The following PCDHGA6 variants were observed in gnomAD, a reference collection of about 807,000 sequenced individuals.
PCDHGA6 encodes the protein protocadherin gamma-A6.
In PCDHGA6, 41 loss-of-function variants were observed where a neutral mutation model predicts 60.6. That is an observed-to-expected ratio of 0.68 (90% confidence interval 0.53 to 0.88). The LOEUF (loss-of-function observed/expected upper bound fraction) is 0.88. Ranked by LOEUF, PCDHGA6 falls within the 40% of genes least tolerant of loss-of-function variation. PCDHGA6 has a pLI of 0.00. For missense variants in PCDHGA6, 1,312 were observed against 1,203.0 expected, an observed-to-expected ratio of 1.09 and a Z score of -1.34; for synonymous variants, 594 against 524.4, an observed-to-expected ratio of 1.13 and a Z score of -1.81.
At chr5:141,460,912 GTA>G (rs34683754) in intron 1 of PCDHGA6, among the ~76,000 whole-genome samples, 12 of 149,310 alleles carry the variant, frequency 8.0e-5, no homozygotes, top group African/African-American at 7.4e-5. Flanking sequence ...ATTCCATGGT[GTA>G]TATATATATA....
chr5:141,415,332 G>A (rs758125316), intron 1 of PCDHGA6: 1 of 1,614,214 alleles, frequency 6.2e-7, no homozygotes, highest in South Asian at 1.1e-5. Context: ...TGGCGCACAG[G>A]CTGCGGCGCT....
intron 3 of PCDHGA6, among the ~76,000 whole-genome samples, chr5:141,509,056 G>A (rs1303823294): frequency 1.3e-5 from 2 of 152,178 alleles, no homozygotes; most frequent in Admixed American, 6.5e-5. Context: ...CCCCCAGAAA[G>A]CTCTCAGCTC....
At chr5:141,433,395 C>CTATA (rs1426636882) in intron 1 of PCDHGA6, among the ~76,000 whole-genome samples, 2 of 150,654 alleles carry the variant, frequency 1.3e-5, no homozygotes, top group African/African-American at 4.9e-5. Context: ...ATCTATCTAT[C>CTATA]TATCTATCTA....
Position 141,373,895 on chromosome 5 carries a change from T to TA in PCDHGA6, c.-188dup. On this transcript the variant is annotated 5_prime_UTR_variant, in exon 1 of 4. Coordinates refer to ENST00000517434, the MANE Select transcript of PCDHGA6 (RefSeq NM_018919.3). ...CAAGAAAATCAACGGAAACTCAAGT[T>TA]ACATCCTCCAACAACAAAGCAAATT... The TA allele has an allele frequency of 1.9e-6, 1 of 534,638 alleles. No homozygotes were observed. The highest frequency in any genetic ancestry group is 3.1e-6 in the Non-Finnish European group (1 of 320,332). 33.1% of individuals were successfully genotyped at this position (534,638 alleles called of 1,614,324 possible).
intron 1 of PCDHGA6, among the ~76,000 whole-genome samples, chr5:141,435,946 A>C (rs953432473): frequency 6.6e-6 from 1 of 152,174 alleles, no homozygotes; most frequent in Non-Finnish European, 1.5e-5. Flanking sequence ...CTGAGACCAA[A>C]AAAGGGGGCA....
Position 141,375,758 on chromosome 5 carries a change from G to C in PCDHGA6, c.1675G>C (p.Ala559Pro), listed in dbSNP as rs1473514742. ...SLFVLDQNDN[A>P]PEILYPALPT... ...GTTTGTGCTGGACCAGAATGACAATGCGCCCGAGATCCTGTACCCCGCCCT... is the reference window on the plus strand; with the variant it reads ...GTTTGTGCTGGACCAGAATGACAATCCGCCCGAGATCCTGTACCCCGCCCT... The change falls in exon 1 of 4, where the codon GCG becomes CCG. Residue 559 changes from alanine (A) to proline (P), a missense_variant. Physicochemically the swap from Ala to Pro is conservative, Grantham distance 27. Transcript: ENST00000517434. 2 of 1,614,230 alleles carry C rather than the reference G, an allele frequency of 1.2e-6. No individual in the cohort carries two copies. Among genetic ancestry groups the C allele is most frequent in the East Asian group, 2.2e-5 (1 of 44,886 alleles).
At position 141,408,901 on chromosome 5, in the gene PCDHGA6, G is replaced by A. The variant is rs529239605; in HGVS notation, c.2424+32394G>A. On this transcript the variant is annotated intron_variant, in intron 1 of 3. Transcript: ENST00000517434. ...CCGCTCACATAGAAATTTCTGTCAA[G>A]GATACCAATGATAACCCCCCGGTTT... 269 of 1,613,216 alleles carry A rather than the reference G, an allele frequency of 1.7e-4. 6 individuals carry two copies. The South Asian group carries it at 2.8e-3, about 17-fold the overall frequency.
rs1456506633 is a variant in PCDHGA6 at position 141,375,897 on chromosome 5, C to A, written c.1814C>A (p.Ser605Tyr). The A allele has an allele frequency of 3.7e-6, 6 of 1,613,680 alleles. No individual in the cohort carries two copies. The highest frequency in any genetic ancestry group is 5.1e-6 in the Non-Finnish European group (6 of 1,180,012). Reference protein sequence around the residue: ...DRDSGQNAWLSYRLLKASEPG... With the variant: ...DRDSGQNAWLYYRLLKASEPG... ...GACTCGGGCCAGAACGCCTGGCTGT[C>A]CTACCGCCTGCTCAAGGCCAGCGAG... The change falls in exon 1 of 4, where the codon TCC (serine) becomes TAC (tyrosine). Residue 605 changes from serine (S) to tyrosine (Y), a missense_variant. Physicochemically the swap from Ser to Tyr is moderately radical, Grantham distance 144. Coordinates refer to ENST00000517434, the MANE Select transcript of PCDHGA6 (RefSeq NM_018919.3).
intron 1 of PCDHGA6, chr5:141,415,520 C>T: frequency 6.2e-7 from 1 of 1,614,190 alleles, no homozygotes; most frequent in Non-Finnish European, 8.5e-7. Flanking sequence ...TATGCGGACA[C>T]GCTCATCAGC....
intron 1 of PCDHGA6, chr5:141,388,977 G>A (rs1299469066): frequency 6.2e-7 from 1 of 1,613,990 alleles, no homozygotes; most frequent in African/African-American, 1.3e-5. Context: ...AACACATATT[G>A]CTTTGCTCAA....
At chr5:141,383,871 T>C (rs1490693086) in intron 1 of PCDHGA6, 1 of 1,613,852 alleles carries the variant, frequency 6.2e-7, no homozygotes, top group African/African-American at 1.3e-5. Flanking sequence ...CTCAAGATGG[T>C]CCTGGTAGTC....
At chr5:141,449,264 C>CTG (rs2098633558) in intron 1 of PCDHGA6, among the ~76,000 whole-genome samples, 1 of 152,056 alleles carries the variant, frequency 6.6e-6, no homozygotes, top group African/African-American at 2.4e-5. Context: ...GTACAAAGAA[C>CTG]TGTATCTCCT....
chr5:141,491,143 C>A lies in PCDHGA6; in HGVS notation c.2425-3664C>A. 1.2e-6 allele frequency: 2 copies of A among 1,614,142 alleles called. No homozygotes were observed. Among genetic ancestry groups the A allele is most frequent in the South Asian group, 1.1e-5 (1 of 91,082 alleles). On this transcript the variant is annotated intron_variant, in intron 1 of 3. Transcript: ENST00000517434. This position sits in a 1 kb window ranked among gnomAD's most constrained non-coding sequence, Gnocchi z 6.9. ...TGAGGTGCGCACAGCCCGGGCCTTA[C>A]TGGAGGATGACTCTGACACCCAGCA... is the stretch of plus-strand genomic sequence containing the variant.
intron 1 of PCDHGA6, chr5:141,411,291 C>G (rs2095478163): frequency 6.6e-6 from 1 of 152,158 alleles, no homozygotes; most frequent in South Asian, 2.1e-4. Context: ...ATTCAGAAGA[C>G]AGGCCCAGTG....
chr5:141,413,446 G>T, intron 1 of PCDHGA6: 4 of 1,614,130 alleles, frequency 2.5e-6, no homozygotes, highest in Non-Finnish European at 3.4e-6. Context: ...CTTGATCACC[G>T]CGGGCAGGAT....
At position 141,477,591 on chromosome 5, in the gene PCDHGA6, T is replaced by C; in HGVS notation, c.2425-17216T>C. On this transcript the variant is annotated intron_variant, in intron 1 of 3. Coordinates refer to ENST00000517434, the MANE Select transcript of PCDHGA6 (RefSeq NM_018919.3). This position sits in a 1 kb window ranked among gnomAD's most constrained non-coding sequence, Gnocchi z 4.9. Reference sequence around the variant, plus strand: ...CCCGACGCCCCGCAGAATGCTCGGCTTTCTTTCTTTCTCTTGGAGCAAGGA... The same window carrying C: ...CCCGACGCCCCGCAGAATGCTCGGCCTTCTTTCTTTCTCTTGGAGCAAGGA... The C allele has an allele frequency of 6.2e-7, 1 of 1,614,136 alleles. No homozygotes were observed. The highest frequency in any genetic ancestry group is 8.5e-7 in the Non-Finnish European group (1 of 1,180,016).
chr5:141,433,299 T>G, intron 1 of PCDHGA6: 1 of 995,012 alleles, frequency 1.0e-6, no homozygotes, highest in Non-Finnish European at 1.5e-6. Flanking sequence ...GCTCAAGCAA[T>G]TATCCCACCT....
intron 1 of PCDHGA6, chr5:141,409,350 G>T: frequency 6.2e-7 from 1 of 1,613,922 alleles, no homozygotes; most frequent in Non-Finnish European, 8.5e-7. Context: ...GGAGAAGTCA[G>T]GTGTAATATA....
chr5:141,419,393 G>T (rs1226844501), intron 1 of PCDHGA6: 2 of 1,613,620 alleles, frequency 1.2e-6, no homozygotes, highest in Non-Finnish European at 1.7e-6. Context: ...CGCGCAGAGC[G>T]GGGTGGTGTT....
Sources: allele counts gnomAD v4.1 joint callset (sites outside exome capture counted in the v4.1 genomes callset), GRCh38; gene constraint gnomAD v4.1.1; non-coding constraint Gnocchi (gnomAD v3.1); transcripts MANE v1.5; gene names NCBI Gene and HGNC (gene_info 2026-07-23, HGNC 2026-07-21).